MALAT1: variants seen among roughly 807,000 people sequenced by gnomAD.
MALAT1 encodes the protein metastasis associated lung adenocarcinoma transcript 1.
chr11:65,499,294 A>G (rs11540770), exon 3 of MALAT1: 2 of 512,204 alleles, frequency 3.9e-6, no homozygotes. Flanking sequence ...AGGTTTCTAA[A>G]ACATGACGGA....
At position 65,503,988 on chromosome 11, in the gene MALAT1, A is replaced by G. The variant is rs564793307; in HGVS notation, n.5168+83A>G. ...GGGTCTATAAATTGACAGTGATTAG[A>G]GTAATACTTTTTCACATTTCCAAAG... On this transcript the variant is annotated intron_variant and non_coding_transcript_variant, in intron 3 of 3. Transcript: ENST00000619449. 3.5e-5 allele frequency: 18 copies of G among 517,060 alleles called. No individual in the cohort carries two copies. The East Asian group carries it at 9.3e-4, about 27-fold the overall frequency. 32.0% of individuals were successfully genotyped at this position (517,060 alleles called of 1,614,324 possible).
chr11:65,501,914 AT>A, exon 3 of MALAT1: 1 of 517,496 alleles, frequency 1.9e-6, no homozygotes, highest in South Asian at 1.4e-5. Flanking sequence ...GGTTTAGGTA[AT>A]TGTTTAGTTT....
At chr11:65,504,967 C>T in intron 3 of MALAT1, 1 of 518,782 alleles carries the variant, frequency 1.9e-6, no homozygotes, top group Non-Finnish European at 3.8e-6. Context: ...ATTCTTCAGA[C>T]TATAGAAGGA....
intron 3 of MALAT1, chr11:65,504,723 G>C (rs777398090): frequency 1.3e-5 from 7 of 518,880 alleles, no homozygotes; most frequent in Non-Finnish European, 2.3e-5. Flanking sequence ...AAATTAAACT[G>C]GCAAGTGGAA....
intron 3 of MALAT1, chr11:65,504,128 T>G: frequency 1.9e-6 from 1 of 516,762 alleles, no homozygotes; most frequent in Non-Finnish European, 3.9e-6. Flanking sequence ...AATTTTCCTT[T>G]GCAGAGGCAT....
chr11:65,498,137 A>G (rs1854435793), intron 1 of MALAT1: 1 of 518,838 alleles, frequency 1.9e-6, no homozygotes, highest in African/African-American at 1.9e-5. Context: ...AAGCAGACCC[A>G]GAGCAGTGTA....
chr11:65,503,998 T>A (rs1854615431), intron 3 of MALAT1: 1 of 516,936 alleles, frequency 1.9e-6, no homozygotes, highest in African/African-American at 1.9e-5. Context: ...AGTAATACTT[T>A]TTCACATTTC....
At chr11:65,501,934 A>G (rs1854556450) in exon 3 of MALAT1, 1 of 517,770 alleles carries the variant, frequency 1.9e-6, no homozygotes, top group African/African-American at 1.9e-5. Flanking sequence ...TTATGATTGC[A>G]GATAAACTCA....
At chr11:65,505,575 T>G in intron 3 of MALAT1, 1 of 516,156 alleles carries the variant, frequency 1.9e-6, no homozygotes. Flanking sequence ...ACCCCGTGCC[T>G]TTTGATCTAG....
chr11:65,499,725 G>A (rs1410203341), exon 3 of MALAT1: 4 of 431,726 alleles, frequency 9.3e-6, no homozygotes, highest in Non-Finnish European at 1.8e-5. Flanking sequence ...GAAATTAGAA[G>A]ATAAAAACAT....
chr11:65,498,306 A>G (rs756894821), intron 1 of MALAT1: 1 of 518,148 alleles, frequency 1.9e-6, no homozygotes, highest in African/African-American at 1.9e-5. Flanking sequence ...AAGCTGAAAA[A>G]CGGTAGAAAA....
At chr11:65,500,329 T>C (rs1192643413) in exon 3 of MALAT1, 1 of 518,550 alleles carries the variant, frequency 1.9e-6, no homozygotes, top group Admixed American at 1.9e-5. Context: ...CTTAATGTTT[T>C]TGCATTGGAC....
chr11:65,502,880 A>G lies in MALAT1; in HGVS notation n.4143A>G, dbSNP rs776351934. 6.1e-6 allele frequency: 3 copies of G among 492,410 alleles called. 1 individual carries two copies. Among genetic ancestry groups the G allele is most frequent in the South Asian group, 4.5e-5 (3 of 67,410 alleles). The allele number at this position is 492,410 out of a possible 1,614,324, so 30.5% of individuals were successfully genotyped here. On this transcript the variant is annotated non_coding_transcript_exon_variant, in exon 3 of 4. Transcript: ENST00000619449. ...TAAAGTTACGGAATCTACCATTTTA[A>G]AGTTAATTGCTTGTCAAGCTATAAC...
chr11:65,498,127 A>T (rs1565671353), intron 1 of MALAT1: 1 of 518,878 alleles, frequency 1.9e-6, no homozygotes. Flanking sequence ...ACCCCTAAAA[A>T]AGCAGACCCA....
chr11:65,504,106 G>T, intron 3 of MALAT1: 1 of 517,098 alleles, frequency 1.9e-6, no homozygotes, highest in Non-Finnish European at 3.9e-6. Flanking sequence ...GGGTGCCTGT[G>T]GGGTTTTAAA....
exon 3 of MALAT1, chr11:65,499,355 T>A (rs745828410): frequency 2.0e-6 from 1 of 494,508 alleles, no homozygotes. Flanking sequence ...AAAAGAAAAT[T>A]GAGAGAAAGG....
chr11:65,500,553 G>A (rs1854521919), exon 3 of MALAT1: 1 of 518,808 alleles, frequency 1.9e-6, no homozygotes, highest in South Asian at 1.4e-5. Context: ...GTGCGATTTG[G>A]TGAAGGAAGC....
At chr11:65,501,948 C>T in exon 3 of MALAT1, 1 of 517,454 alleles carries the variant, frequency 1.9e-6, no homozygotes, top group Non-Finnish European at 3.9e-6. Flanking sequence ...AAACTCATGC[C>T]AGAGAACTTA....
At chr11:65,501,634 T>C (rs1234220319) in exon 3 of MALAT1, 1 of 519,016 alleles carries the variant, frequency 1.9e-6, no homozygotes, top group Non-Finnish European at 3.8e-6. Context: ...AGAAGGAGTG[T>C]ACCGCTGTGC....
Sources: gnomAD v4.1 joint callset for allele counts on GRCh38, gnomAD v4.1.1 for gene constraint, MANE v1.5 for transcripts, NCBI Gene and HGNC (gene_info 2026-07-23, HGNC 2026-07-21) for gene names.